The following PALM2AKAP2 variants were observed in gnomAD, a reference collection of about 807,000 sequenced individuals.
The protein encoded by PALM2AKAP2 is PALM2-AKAP2 fusion protein.
PALM2AKAP2 carries 37 observed loss-of-function variants against 71.5 expected under a neutral mutation model. The ratio of observed to expected loss-of-function variants is 0.52; its 90% confidence interval spans 0.40 to 0.68. The LOEUF is 0.68. Among genes scored for constraint, PALM2AKAP2 ranks in the 30% least tolerant of loss-of-function variants. The pLI is 0.00. For synonymous variants in PALM2AKAP2, 468 were observed against 478.8 expected, an observed-to-expected ratio of 0.98 and a Z score of 0.29; for missense variants, 1,224 against 1,191.8, an observed-to-expected ratio of 1.03 and a Z score of -0.40.
intron 7 of PALM2AKAP2, chr9:110,025,166 A>AG (rs1833153566): frequency 7.2e-7 from 1 of 1,383,790 alleles, no homozygotes; most frequent in African/African-American, 1.4e-5. Context: ...GTAACATTGT[A>AG]GACTCTTCCA....
At chr9:109,997,939 G>T (rs1832606700) in intron 6 of PALM2AKAP2, among the ~76,000 whole-genome samples, 1 of 152,218 alleles carries the variant, frequency 6.6e-6, no homozygotes, top group Non-Finnish European at 1.5e-5. Context: ...TTGTTCTGAA[G>T]TTCCGCTAAG....
At chr9:110,001,651 G>C (rs1252264255) in intron 6 of PALM2AKAP2, among the ~76,000 whole-genome samples, 2 of 152,140 alleles carry the variant, frequency 1.3e-5, no homozygotes, top group African/African-American at 4.8e-5. Context: ...CATGAGCATG[G>C]AATGTTCATG....
At chr9:109,690,079 C>A (rs901542297) in intron 1 of PALM2AKAP2, among the ~76,000 whole-genome samples, 6 of 152,016 alleles carry the variant, frequency 3.9e-5, no homozygotes, top group Admixed American at 1.3e-4. Flanking sequence ...AGTGGTTTTC[C>A]CCCTGCCGGA....
intron 1 of PALM2AKAP2, among the ~76,000 whole-genome samples, chr9:110,052,218 C>T (rs568901042): frequency 6.6e-6 from 1 of 152,134 alleles, no homozygotes; most frequent in Non-Finnish European, 1.5e-5. Flanking sequence ...TTTCTTTATA[C>T]TGTGCAAACT....
At chr9:109,675,754 A>G (rs917592499) in intron 1 of PALM2AKAP2, among the ~76,000 whole-genome samples, 1 of 152,186 alleles carries the variant, frequency 6.6e-6, no homozygotes, top group Non-Finnish European at 1.5e-5. Flanking sequence ...TTTTCCCATC[A>G]GACTTTTCTT....
chr9:110,156,698 G>T (rs1836466661), intron 3 of PALM2AKAP2, among the ~76,000 whole-genome samples: 1 of 152,166 alleles, frequency 6.6e-6, no homozygotes, highest in South Asian at 2.1e-4. Context: ...TGTTGATCTT[G>T]CAGGGAGCTG....
chr9:109,825,687 T>C (rs1339687841), intron 1 of PALM2AKAP2, among the ~76,000 whole-genome samples: 6 of 152,154 alleles, frequency 3.9e-5, no homozygotes, highest in African/African-American at 1.4e-4. Flanking sequence ...CCAGTTAGAA[T>C]GGCAGTCATT....
At chr9:110,121,887 A>G (rs1285923342) in intron 1 of PALM2AKAP2, among the ~76,000 whole-genome samples, 1 of 152,122 alleles carries the variant, frequency 6.6e-6, no homozygotes, top group East Asian at 1.9e-4. Context: ...CCTTTGCCCA[A>G]AGTTCATGCT....
At chr9:109,974,753 G>T (rs904739210) in intron 6 of PALM2AKAP2, among the ~76,000 whole-genome samples, 1 of 152,170 alleles carries the variant, frequency 6.6e-6, no homozygotes, top group African/African-American at 2.4e-5. Flanking sequence ...TTGCAAGCAG[G>T]ACTAATTACA....
intron 1 of PALM2AKAP2, among the ~76,000 whole-genome samples, chr9:109,694,388 T>A (rs577714701): frequency 6.6e-6 from 1 of 152,202 alleles, no homozygotes; most frequent in African/African-American, 2.4e-5. Context: ...CCACTTCATT[T>A]GTCAAAATTT....
intron 7 of PALM2AKAP2, among the ~76,000 whole-genome samples, chr9:110,035,195 ATG>A (rs542858893): frequency 0.015 from 2,209 of 144,490 alleles, 68 homozygotes; most frequent in African/African-American, 0.053. Flanking sequence ...ATATGTGTGC[ATG>A]TGTGTGTGTG....
intron 1 of PALM2AKAP2, among the ~76,000 whole-genome samples, chr9:110,115,543 G>T (rs1835343933): frequency 6.6e-6 from 1 of 152,192 alleles, no homozygotes; most frequent in Non-Finnish European, 1.5e-5. Context: ...CTTAACCCTA[G>T]TGGAGCAGGA....
intron 7 of PALM2AKAP2, among the ~76,000 whole-genome samples, chr9:110,037,837 C>T (rs1279483782): frequency 6.6e-6 from 1 of 152,080 alleles, no homozygotes; most frequent in Non-Finnish European, 1.5e-5. Flanking sequence ...CTAGGCATCC[C>T]GTGGAGAGGT....
intron 1 of PALM2AKAP2, among the ~76,000 whole-genome samples, chr9:109,805,304 T>G (rs532823953): frequency 6.6e-6 from 1 of 152,376 alleles, no homozygotes; most frequent in South Asian, 2.1e-4. Flanking sequence ...CTAAGCCATG[T>G]GATCACCCTA....
At chr9:109,759,149 C>T (rs1427496376) in intron 1 of PALM2AKAP2, among the ~76,000 whole-genome samples, 2 of 152,000 alleles carry the variant, frequency 1.3e-5, no homozygotes, top group Non-Finnish European at 2.9e-5. Flanking sequence ...CTCTCCTGAC[C>T]TGTCTGTTGG....
chr9:109,817,779 G>A (rs1827889406), intron 1 of PALM2AKAP2, among the ~76,000 whole-genome samples: 2 of 152,144 alleles, frequency 1.3e-5, no homozygotes, highest in Admixed American at 1.3e-4. Flanking sequence ...TTGGAAACAG[G>A]GCCCCTTTGT....
At chr9:110,116,770 G>T (rs920859581) in intron 1 of PALM2AKAP2, among the ~76,000 whole-genome samples, 57 of 152,204 alleles carry the variant, frequency 3.7e-4, no homozygotes, top group African/African-American at 1.4e-3. Context: ...AACGGAAGGT[G>T]ATATTGTCAT....
intron 1 of PALM2AKAP2, among the ~76,000 whole-genome samples, chr9:109,653,766 A>C (rs1486923248): frequency 6.6e-6 from 1 of 152,190 alleles, no homozygotes; most frequent in African/African-American, 2.4e-5. Flanking sequence ...AATATAGAGC[A>C]CAGGGCTTTA....
intron 2 of PALM2AKAP2, among the ~76,000 whole-genome samples, chr9:109,875,579 C>A (rs1036277885): frequency 6.6e-6 from 1 of 152,200 alleles, no homozygotes; most frequent in African/African-American, 2.4e-5. Context: ...GTGTATTCTT[C>A]AAGCATTTGG....
Sources: gnomAD v4.1 joint callset for allele counts (sites outside exome capture counted in the v4.1 genomes callset) on GRCh38, gnomAD v4.1.1 for gene constraint, MANE v1.5 for transcripts, NCBI Gene and HGNC (gene_info 2026-07-23, HGNC 2026-07-21) for gene names.